LRFN5: variants seen among roughly 807,000 people sequenced by gnomAD.
The protein encoded by LRFN5 is leucine-rich repeat and fibronectin type-III domain-containing protein 5.
A neutral mutation model predicts 45.6 loss-of-function variants in LRFN5; 24 were observed. The ratio of observed to expected loss-of-function variants is 0.53; its 90% CI spans 0.38 to 0.74. The LOEUF (loss-of-function observed/expected upper bound fraction) is 0.74, where lower values mean the gene tolerates loss of function less well. LRFN5 is among the 30% of genes least tolerant of loss of function. The pLI, the probability that LRFN5 is intolerant of heterozygous loss-of-function variation, is 0.00. For missense variants in LRFN5, 776 were observed against 861.5 expected (o/e 0.90, Z 1.24); for synonymous variants, 340 against 313.8 (o/e 1.08, Z -0.88).
At chr14:41,614,956 T>C (rs540789594) in intron 1 of LRFN5, among the ~76,000 whole-genome samples, 1 of 152,136 alleles carries the variant, frequency 6.6e-6, no homozygotes, top group African/African-American at 2.4e-5. Context: ...TAGTCCAGTG[T>C]CTTCAGGAAC....
At chr14:41,772,788 G>T (rs1252333321) in intron 2 of LRFN5, among the ~76,000 whole-genome samples, 1 of 151,984 alleles carries the variant, frequency 6.6e-6, no homozygotes, top group African/African-American at 2.4e-5. Flanking sequence ...GTAAAATTCT[G>T]AATCATTTTG....
At chr14:41,738,980 C>G (rs973129721) in intron 1 of LRFN5, among the ~76,000 whole-genome samples, 1 of 152,170 alleles carries the variant, frequency 6.6e-6, no homozygotes, top group Non-Finnish European at 1.5e-5. Context: ...ACGGAACATT[C>G]TCTTCTATAG....
chr14:41,811,843 C>T (rs1159325779), intron 2 of LRFN5, among the ~76,000 whole-genome samples: 4 of 151,934 alleles, frequency 2.6e-5, no homozygotes, highest in Admixed American at 6.6e-5. Context: ...GTTCAACAAT[C>T]GATTGTGGTG....
chr14:41,872,436 A>G (rs979341085), intron 2 of LRFN5, among the ~76,000 whole-genome samples: 2 of 152,206 alleles, frequency 1.3e-5, no homozygotes, highest in African/African-American at 4.8e-5. Flanking sequence ...CACTGTAACC[A>G]ATTGAAATTA....
intron 1 of LRFN5, among the ~76,000 whole-genome samples, chr14:41,711,635 G>T (rs1267096073): frequency 6.6e-6 from 1 of 152,164 alleles, no homozygotes; most frequent in African/African-American, 2.4e-5. Context: ...GGTTTGTAGT[G>T]TTTAATGGAT....
chr14:41,641,417 A>C (rs560253952), intron 1 of LRFN5, among the ~76,000 whole-genome samples: 1 of 152,208 alleles, frequency 6.6e-6, no homozygotes, highest in South Asian at 2.1e-4. Context: ...TTGGATGGGA[A>C]GACTAACATT....
chr14:41,631,596 A>G (rs1043236077), intron 1 of LRFN5, among the ~76,000 whole-genome samples: 1 of 152,188 alleles, frequency 6.6e-6, no homozygotes, highest in Non-Finnish European at 1.5e-5. Flanking sequence ...TGAATGTAAG[A>G]TATCAAGTGT....
chr14:41,809,845 C>T (rs1887679227), intron 2 of LRFN5, among the ~76,000 whole-genome samples: 1 of 151,724 alleles, frequency 6.6e-6, no homozygotes, highest in Non-Finnish European at 1.5e-5. Flanking sequence ...CTGTACACTC[C>T]TGATTTGAGT....
intron 2 of LRFN5, among the ~76,000 whole-genome samples, chr14:41,881,786 C>T (rs1238269712): frequency 1.3e-5 from 2 of 152,096 alleles, no homozygotes; most frequent in Non-Finnish European, 2.9e-5. Flanking sequence ...TCTTCTGTTA[C>T]AAAGATATTG....
chr14:41,613,236 C>G (rs1887818339), intron 1 of LRFN5, among the ~76,000 whole-genome samples: 1 of 151,992 alleles, frequency 6.6e-6, no homozygotes, highest in African/African-American at 2.4e-5. Context: ...ACAAGTTTTG[C>G]TCTTCTTAGA....
At chr14:41,795,908 T>C (rs1006677502) in intron 2 of LRFN5, among the ~76,000 whole-genome samples, 17 of 123,628 alleles carry the variant, frequency 1.4e-4, no homozygotes, top group Non-Finnish European at 2.5e-4. Flanking sequence ...ACATGTACCC[T>C]AGAACTTAAA....
At chr14:41,873,427 G>C (rs201045658) in intron 2 of LRFN5, among the ~76,000 whole-genome samples, 1 of 135,800 alleles carries the variant, frequency 7.4e-6, no homozygotes, top group African/African-American at 2.8e-5. Context: ...GACAGAGAGA[G>C]AGAGAGAGAG....
intron 2 of LRFN5, among the ~76,000 whole-genome samples, chr14:41,866,093 T>G (rs1889830383): frequency 6.6e-6 from 1 of 152,180 alleles, no homozygotes; most frequent in South Asian, 2.1e-4. Flanking sequence ...TATTTGGGAT[T>G]TGATGACACA....
At chr14:41,842,579 A>G (rs1443020915) in intron 2 of LRFN5, among the ~76,000 whole-genome samples, 2 of 152,134 alleles carry the variant, frequency 1.3e-5, no homozygotes, top group Non-Finnish European at 2.9e-5. Context: ...TATATGGATT[A>G]TAAGCATTAA....
chr14:41,631,496 A>C (rs1484378389), intron 1 of LRFN5, among the ~76,000 whole-genome samples: 1 of 152,112 alleles, frequency 6.6e-6, no homozygotes, highest in Non-Finnish European at 1.5e-5. Flanking sequence ...TAGCTAGGGG[A>C]GGTAGATAAT....
intron 3 of LRFN5, among the ~76,000 whole-genome samples, chr14:41,890,636 G>A (rs997952212): frequency 1.6e-4 from 25 of 151,830 alleles, no homozygotes; most frequent in African/African-American, 6.1e-4. Context: ...GAACCCGGGA[G>A]GCGGAGCTTT....
At chr14:41,682,212 C>T (rs1881930287) in intron 1 of LRFN5, among the ~76,000 whole-genome samples, 1 of 151,814 alleles carries the variant, frequency 6.6e-6, no homozygotes, top group Admixed American at 6.6e-5. Context: ...TGGCACTACA[C>T]TCCAGTCTGG....
chr14:41,845,794 G>A (rs937686754), intron 2 of LRFN5, among the ~76,000 whole-genome samples: 4 of 152,068 alleles, frequency 2.6e-5, no homozygotes, highest in Non-Finnish European at 4.4e-5. Context: ...ATAGCTAACC[G>A]CTGTAAATGC....
At chr14:41,625,263 C>T (rs1888287920) in intron 1 of LRFN5, among the ~76,000 whole-genome samples, 2 of 113,224 alleles carry the variant, frequency 1.8e-5, no homozygotes, top group South Asian at 2.5e-4. Flanking sequence ...AGGGTGGGTT[C>T]ATCTGGATGG....
Sources: gnomAD v4.1 joint callset for allele counts (sites outside exome capture counted in the v4.1 genomes callset) on GRCh38, gnomAD v4.1.1 for gene constraint, MANE v1.5 for transcripts, NCBI Gene and HGNC (gene_info 2026-07-23, HGNC 2026-07-21) for gene names.